Variants in NR1D2 observed in about 807,000 individuals in gnomAD.
The protein encoded by NR1D2 is V-erbA-related protein 1-related.
NR1D2 carries 25 observed loss-of-function variants against 52.2 expected under a neutral mutation model. That is an observed-to-expected ratio of 0.48 (90% CI 0.35 to 0.67). The LOEUF is 0.67. Ranked by LOEUF, NR1D2 falls within the 30% of genes least tolerant of loss-of-function variation. NR1D2 has a pLI of 0.01. For missense variants in NR1D2, 681 were observed against 707.2 expected (o/e 0.96, Z 0.42); for synonymous variants, 259 against 230.1 (o/e 1.13, Z -1.14).
intron 1 of NR1D2, among the ~76,000 whole-genome samples, chr3:23,948,940 A>G (rs1250363010): frequency 1.3e-5 from 2 of 152,232 alleles, no homozygotes; most frequent in Non-Finnish European, 2.9e-5. Flanking sequence ...AAGGATAGTC[A>G]TCTGCAGGGC....
At chr3:23,964,422 TTTC>T (rs1223357172) in intron 5 of NR1D2, among the ~76,000 whole-genome samples, 1 of 152,206 alleles carries the variant, frequency 6.6e-6, no homozygotes, top group Non-Finnish European at 1.5e-5. Flanking sequence ...CTTGCTGTTT[TTTC>T]TTCTTGGAAA....
rs775750186 is a variant in NR1D2 at position 23,964,960 on chromosome 3, C to T, written c.1147-17C>T. On this transcript the variant is annotated splice_polypyrimidine_tract_variant and intron_variant, in intron 5 of 7. Coordinates refer to ENST00000312521, the MANE Select transcript of NR1D2 (RefSeq NM_005126.5). ...ACCTCTTAGTATTTAAGAGTTTTTC[C>T]GTTTTATGTATACTAGGTTTGTCCA... is the stretch of plus-strand genomic sequence containing the variant. The T allele has an allele frequency of 1.6e-5, 25 of 1,536,532 alleles. No individual in the cohort carries two copies. The highest frequency in any genetic ancestry group is 2.2e-5 in the Non-Finnish European group (25 of 1,133,622).
chr3:23,966,019 TTGGG>T (rs1203517609), intron 6 of NR1D2, among the ~76,000 whole-genome samples: 3 of 152,244 alleles, frequency 2.0e-5, no homozygotes, highest in Non-Finnish European at 2.9e-5. Context: ...CTGCTTGGGC[TTGGG>T]GTAGTCTCTA....
intron 7 of NR1D2, among the ~76,000 whole-genome samples, chr3:23,971,883 G>T (rs1290256412): frequency 6.6e-6 from 1 of 152,136 alleles, no homozygotes; most frequent in African/African-American, 2.4e-5. Flanking sequence ...AAGTTGAAAA[G>T]TTGAAAGTCA....
intron 1 of NR1D2, among the ~76,000 whole-genome samples, chr3:23,947,341 C>G (rs1705763319): frequency 6.6e-6 from 1 of 152,218 alleles, no homozygotes; most frequent in African/African-American, 2.4e-5. Context: ...AAAAATTCCT[C>G]CGGATGAATG....
At chr3:23,955,961 A>G in intron 2 of NR1D2, 76 bp from the exon 3 acceptor site, 1 of 1,030,916 alleles carries the variant, frequency 9.7e-7, no homozygotes, top group Non-Finnish European at 1.5e-6. Flanking sequence ...GTTGAATGAA[A>G]TAAAATATCT....
chr3:23,947,291 C>T (rs1040772890), intron 1 of NR1D2, among the ~76,000 whole-genome samples: 3 of 152,204 alleles, frequency 2.0e-5, no homozygotes, highest in East Asian at 1.9e-4. Flanking sequence ...TCCAATACTT[C>T]GCTGATCTAA....
chr3:23,950,998 C>T (rs182007318), intron 1 of NR1D2, among the ~76,000 whole-genome samples: 5 of 151,104 alleles, frequency 3.3e-5, no homozygotes, highest in Non-Finnish European at 5.9e-5. Context: ...CTCCGCCTCC[C>T]GGGTTCAAGT....
chr3:23,954,216 C>T (rs1396856564), intron 1 of NR1D2, among the ~76,000 whole-genome samples: 1 of 152,080 alleles, frequency 6.6e-6, no homozygotes, highest in East Asian at 1.9e-4. Flanking sequence ...CTTATGTTGC[C>T]CAGGCTGGTC....
chr3:23,945,954 G>A (rs1365325652), intron 1 of NR1D2, among the ~76,000 whole-genome samples: 1 of 151,314 alleles, frequency 6.6e-6, no homozygotes, highest in Non-Finnish European at 1.5e-5. Flanking sequence ...AGGCGGCGGC[G>A]GCGGGCGGGG....
In NR1D2 at chr3:23,949,668, G is replaced by A. The variant is rs531484236; in HGVS notation, c.16+4074G>A. Among the ~76,000 whole-genome samples the A allele has an allele frequency of 1.9e-4, 29 of 152,324 alleles. No homozygotes were observed. The Middle Eastern group carries it at 0.02, about 107-fold the overall frequency. On this transcript the variant is annotated intron_variant, in intron 1 of 7. Coordinates refer to ENST00000312521, the MANE Select transcript of NR1D2 (RefSeq NM_005126.5). Reference sequence around the variant, plus strand: ...ACACAATTGGAATTTTAGTGCTTCAGTTAGATCTACTCTACCACCCTTGGA... The same window carrying A: ...ACACAATTGGAATTTTAGTGCTTCAATTAGATCTACTCTACCACCCTTGGA...
At chr3:23,946,160 G>C in intron 1 of NR1D2, 2 of 985,090 alleles carry the variant, frequency 2.0e-6, no homozygotes, top group Non-Finnish European at 2.4e-6. Flanking sequence ...GGAGGAGGCC[G>C]CGCGTGCGCG....
At position 23,945,634 on chromosome 3, in the gene NR1D2, G is replaced by A; in HGVS notation, c.16+40G>A. The A allele has an allele frequency of 2.6e-6, 3 of 1,155,240 alleles. 1 individual carries two copies. Among genetic ancestry groups the A allele is most frequent in the South Asian group, 8.5e-5 (2 of 23,644 alleles). 71.6% of individuals were successfully genotyped at this position (1,155,240 alleles called of 1,614,324 possible). Reference sequence around the variant, plus strand: ...GCGGCGGGTGGGGGATGGCCGGAGGGAGCGCTCAGAGCCCGCGGGGCACTT... The same window carrying A: ...GCGGCGGGTGGGGGATGGCCGGAGGAAGCGCTCAGAGCCCGCGGGGCACTT... On this transcript the variant is annotated intron_variant, in intron 1 of 7. Transcript: ENST00000312521.
At chr3:23,958,605 A>G (rs1706147904) in intron 3 of NR1D2, among the ~76,000 whole-genome samples, 1 of 141,466 alleles carries the variant, frequency 7.1e-6, no homozygotes, top group Non-Finnish European at 1.5e-5. Context: ...ACGTCATTGT[A>G]CTCCAGCCTG....
intron 7 of NR1D2, among the ~76,000 whole-genome samples, chr3:23,975,550 T>TC (rs1436145728): frequency 6.6e-6 from 1 of 152,102 alleles, no homozygotes; most frequent in African/African-American, 2.4e-5. Context: ...GGCGGGTGGA[T>TC]CACAAGGTCA....
Position 23,979,987 on chromosome 3 carries a change from A to G in NR1D2, c.*2568A>G, listed in dbSNP as rs1177722607. On this transcript the variant is annotated 3_prime_UTR_variant, in exon 8 of 8. Coordinates refer to ENST00000312521, the MANE Select transcript of NR1D2 (RefSeq NM_005126.5). ...CTGTGCTTTTAATGTATCTCTTTAC[A>G]TGATCTGAGAGAGGATTCAAGTTGA... 1.3e-5 allele frequency: 2 copies of G among 152,126 alleles called. No individual in the cohort carries two copies. Among genetic ancestry groups the G allele is most frequent in the African/African-American group, 4.8e-5 (2 of 41,450 alleles). The allele number at this position is 152,126 out of a possible 1,614,324, so 9.4% of individuals were successfully genotyped here. A position where few individuals can be genotyped will look rare whatever the true frequency, so the allele number is the denominator to read the frequency against.
At chr3:23,971,982 C>T (rs994545696) in intron 7 of NR1D2, among the ~76,000 whole-genome samples, 2 of 152,142 alleles carry the variant, frequency 1.3e-5, no homozygotes, top group Non-Finnish European at 2.9e-5. Flanking sequence ...AACCTCTTCT[C>T]CAAACCTCTG....
chr3:23,965,865 T>C (rs1706437209), intron 6 of NR1D2, among the ~76,000 whole-genome samples: 1 of 152,208 alleles, frequency 6.6e-6, no homozygotes. Context: ...GCAAATAGAA[T>C]GTGATTTCGT....
rs1194497420 is a variant in NR1D2, at chr3:23,980,518, T to G, written c.*3099T>G. The G allele has an allele frequency of 6.6e-6, 1 of 152,158 alleles. No individual in the cohort carries two copies. Among genetic ancestry groups the G allele is most frequent in the Non-Finnish European group, 1.5e-5 (1 of 67,996 alleles). 9.4% of individuals were successfully genotyped at this position (152,158 alleles called of 1,614,324 possible). A position where few individuals can be genotyped will look rare whatever the true frequency, so the allele number is the denominator to read the frequency against. On this transcript the variant is annotated 3_prime_UTR_variant, in exon 8 of 8. Transcript: ENST00000312521. Reference sequence around the variant, plus strand: ...TTGATGGGATATGAGTTAAGTTTATTTTCTACAAACTGTAATTGATGAGGA... The same window carrying G: ...TTGATGGGATATGAGTTAAGTTTATGTTCTACAAACTGTAATTGATGAGGA...
Sources: gnomAD v4.1 joint callset for allele counts (sites outside exome capture counted in the v4.1 genomes callset) on GRCh38, gnomAD v4.1.1 for gene constraint, MANE v1.5 for transcripts, NCBI Gene and HGNC (gene_info 2026-07-23, HGNC 2026-07-21) for gene names.